The following ENTREP2 variants were observed in gnomAD, a reference collection of about 807,000 sequenced individuals.
ENTREP2 encodes the protein protein ENTREP2.
chr15:29,404,902 A>C, the ENTREP2 span, among the ~76,000 whole-genome samples: 1 of 147,162 alleles, frequency 6.8e-6, no homozygotes. Context: ...ACCCAATCTC[A>C]CTCTCAAATC....
the ENTREP2 span, among the ~76,000 whole-genome samples, chr15:29,138,058 C>T: frequency 6.6e-6 from 1 of 152,066 alleles, no homozygotes. Context: ...AGCTGTTTAA[C>T]ATTTTAACCC....
the ENTREP2 span, among the ~76,000 whole-genome samples, chr15:29,505,419 G>A: frequency 6.6e-6 from 1 of 152,214 alleles, no homozygotes; most frequent in Non-Finnish European, 1.5e-5. The surrounding 1 kb of genome is among the most constrained non-coding windows in gnomAD (Gnocchi z 4.3). Flanking sequence ...GGGACAGATT[G>A]CCTCCTCTAG....
the ENTREP2 span, among the ~76,000 whole-genome samples, chr15:29,338,403 G>C: frequency 7.0e-6 from 1 of 143,102 alleles, no homozygotes; most frequent in African/African-American, 2.7e-5. Flanking sequence ...TCCAGCCTGG[G>C]TAACAGAGCG....
the ENTREP2 span, chr15:29,151,627 T>C: frequency 4.7e-6 from 4 of 842,800 alleles, no homozygotes; most frequent in African/African-American, 1.7e-5. Context: ...CCAGGTGCCA[T>C]GGACTGTCAG....
At chr15:29,364,536 C>T in the ENTREP2 span, among the ~76,000 whole-genome samples, 8 of 152,142 alleles carry the variant, frequency 5.3e-5, no homozygotes, top group Non-Finnish European at 7.3e-5. Context: ...AGCTCTCTTG[C>T]GGTAAAACGC....
the ENTREP2 span, among the ~76,000 whole-genome samples, chr15:29,171,635 G>A: frequency 3.3e-5 from 5 of 151,902 alleles, no homozygotes; most frequent in Admixed American, 6.6e-5. Flanking sequence ...AGCAATACCC[G>A]ATTAGCAATT....
At chr15:29,202,227 T>G in the ENTREP2 span, among the ~76,000 whole-genome samples, 4 of 152,258 alleles carry the variant, frequency 2.6e-5, no homozygotes, top group Middle Eastern at 3.4e-3. Flanking sequence ...TTTTCATTGG[T>G]TTTTCTCCAT....
the ENTREP2 span, among the ~76,000 whole-genome samples, chr15:29,344,931 G>GACACACACACACACACACAC: frequency 3.9e-4 from 55 of 142,604 alleles, no homozygotes; most frequent in African/African-American, 1.4e-3. Context: ...CACGCGCGCA[G>GACACACACACACACACACAC]ACACACACAC....
the ENTREP2 span, among the ~76,000 whole-genome samples, chr15:29,648,782 A>G: frequency 6.6e-6 from 1 of 152,140 alleles, no homozygotes; most frequent in Non-Finnish European, 1.5e-5. Flanking sequence ...TACTAAAAAT[A>G]CAAAAAATTA....
At chr15:29,392,784 T>G in the ENTREP2 span, among the ~76,000 whole-genome samples, 1 of 152,254 alleles carries the variant, frequency 6.6e-6, no homozygotes, top group African/African-American at 2.4e-5. Context: ...GGGACTCCAG[T>G]AGCTGTATGT....
chr15:29,357,378 G>T, the ENTREP2 span, among the ~76,000 whole-genome samples: 1 of 151,856 alleles, frequency 6.6e-6, no homozygotes, highest in South Asian at 2.1e-4. Context: ...AAATGACATG[G>T]TAAGTCAAAG....
At chr15:29,649,673 C>G in the ENTREP2 span, among the ~76,000 whole-genome samples, 2 of 144,174 alleles carry the variant, frequency 1.4e-5, no homozygotes, top group Non-Finnish European at 3.0e-5. Flanking sequence ...TGAGCAAGAT[C>G]GAGCCACTGC....
the ENTREP2 span, among the ~76,000 whole-genome samples, chr15:29,600,902 C>CTTTTTTTTTTTTTTTTTTT: frequency 6.5e-5 from 8 of 123,610 alleles, no homozygotes; most frequent in African/African-American, 2.2e-4. Flanking sequence ...ATTTTTCTTT[C>CTTTTTTTTTTTTTTTTTTT]TTTTTTTTTT....
At chr15:29,155,175 G>A in the ENTREP2 span, among the ~76,000 whole-genome samples, 2 of 151,956 alleles carry the variant, frequency 1.3e-5, no homozygotes, top group African/African-American at 4.8e-5. Context: ...CCAGCTACTT[G>A]GGAGGCTGAG....
chr15:29,471,085 T>A, the ENTREP2 span, among the ~76,000 whole-genome samples: 3 of 152,152 alleles, frequency 2.0e-5, no homozygotes, highest in South Asian at 2.1e-4. Context: ...GCACTGGTTT[T>A]TTATAGTGCC....
chr15:29,542,394 G>A, the ENTREP2 span, among the ~76,000 whole-genome samples: 2 of 151,704 alleles, frequency 1.3e-5, no homozygotes, highest in East Asian at 3.9e-4. Context: ...CACTTCCCGG[G>A]TTCACGCCGT....
the ENTREP2 span, among the ~76,000 whole-genome samples, chr15:29,382,845 C>T: frequency 6.6e-6 from 1 of 152,180 alleles, no homozygotes. Context: ...TTCCCACCCA[C>T]TACCATCTAT....
At chr15:29,316,432 T>G in the ENTREP2 span, among the ~76,000 whole-genome samples, 1 of 152,178 alleles carries the variant, frequency 6.6e-6, no homozygotes, top group Non-Finnish European at 1.5e-5. Context: ...CATGAGGTAT[T>G]TGATGATAAA....
chr15:29,634,498 A>G, the ENTREP2 span, among the ~76,000 whole-genome samples: 3 of 152,180 alleles, frequency 2.0e-5, no homozygotes, highest in Admixed American at 1.3e-4. Context: ...AAAAATCAAC[A>G]CAGAAGACTT....
Sources: gnomAD v4.1 joint callset for allele counts (sites outside exome capture counted in the v4.1 genomes callset) on GRCh38, gnomAD v4.1.1 for gene constraint, Gnocchi (gnomAD v3.1) non-coding constraint, MANE v1.5 for transcripts, NCBI Gene and HGNC (gene_info 2026-07-23, HGNC 2026-07-21) for gene names.